Variants in ROBO2 observed in about 807,000 individuals in gnomAD.
ROBO2 encodes roundabout guidance receptor 2.
A neutral mutation model predicts 160.8 loss-of-function variants in ROBO2; 53 were observed. That is an observed-to-expected ratio of 0.33 (90% CI 0.26 to 0.41). The LOEUF is 0.41. ROBO2 is among the 10% of genes least tolerant of loss of function. The pLI, the probability that ROBO2 is intolerant of heterozygous loss-of-function variation, is 1.00. For missense variants in ROBO2, 1,577 were observed against 1,722.4 expected (o/e 0.92, Z 1.49); for synonymous variants, 664 against 611.7 (o/e 1.09, Z -1.26).
At chr3:77,299,040 G>C (rs1337991250) in intron 2 of ROBO2, among the ~76,000 whole-genome samples, 1 of 152,134 alleles carries the variant, frequency 6.6e-6, no homozygotes, top group Non-Finnish European at 1.5e-5. Flanking sequence ...ATTTAAATTA[G>C]ACATTGAATG....
intron 2 of ROBO2, among the ~76,000 whole-genome samples, chr3:75,992,729 A>G (rs1382745077): frequency 6.6e-6 from 1 of 152,216 alleles, no homozygotes; most frequent in Non-Finnish European, 1.5e-5. Flanking sequence ...ACAGGCACTC[A>G]ATGCCAGCCT....
At chr3:77,346,294 T>C (rs1412845208) in intron 2 of ROBO2, among the ~76,000 whole-genome samples, 1 of 152,168 alleles carries the variant, frequency 6.6e-6, no homozygotes, top group African/African-American at 2.4e-5. Flanking sequence ...AATGTACATT[T>C]AAACTTCATT....
chr3:76,297,433 G>C (rs1258029663), intron 2 of ROBO2, among the ~76,000 whole-genome samples: 1 of 151,954 alleles, frequency 6.6e-6, no homozygotes, highest in African/African-American at 2.4e-5. Context: ...GGCATTATTT[G>C]GCCACTTAAA....
At chr3:76,212,917 C>CAGA (rs1559646028) in intron 2 of ROBO2, among the ~76,000 whole-genome samples, 15 of 151,956 alleles carry the variant, frequency 9.9e-5, no homozygotes, top group African/African-American at 3.6e-4. Context: ...TTCTTAGTTT[C>CAGA]ACTTTTGGTA....
At chr3:76,791,520 T>A (rs567906246) in intron 2 of ROBO2, among the ~76,000 whole-genome samples, 34 of 149,472 alleles carry the variant, frequency 2.3e-4, no homozygotes, top group Middle Eastern at 3.4e-3. Context: ...TTTCACACAC[T>A]CTCTCTCTCT....
At chr3:76,365,434 A>C (rs1017214857) in intron 2 of ROBO2, among the ~76,000 whole-genome samples, 1 of 152,062 alleles carries the variant, frequency 6.6e-6, no homozygotes, top group Admixed American at 6.6e-5. Flanking sequence ...TTGAGATTCA[A>C]TTACCACATC....
chr3:77,067,028 TCACACACACACA>T (rs144228628), intron 1 of ROBO2, among the ~76,000 whole-genome samples: 5 of 136,840 alleles, frequency 3.7e-5, no homozygotes, highest in African/African-American at 7.9e-5. Context: ...ACACACACAC[TCACACACACACA>T]CACACACACA....
intron 2 of ROBO2, among the ~76,000 whole-genome samples, chr3:76,019,570 C>T (rs1047678025): frequency 3.3e-5 from 5 of 151,762 alleles, no homozygotes; most frequent in African/African-American, 1.2e-4. Context: ...TCTGAGAATA[C>T]TGTATATTCC....
intron 2 of ROBO2, among the ~76,000 whole-genome samples, chr3:76,347,068 G>A (rs906988790): frequency 4.6e-5 from 7 of 152,046 alleles, no homozygotes; most frequent in African/African-American, 1.7e-4. Context: ...AAAAAAAATG[G>A]ATTATGTCTC....
At chr3:77,199,857 T>C (rs1298180404) in intron 2 of ROBO2, among the ~76,000 whole-genome samples, 1 of 151,598 alleles carries the variant, frequency 6.6e-6, no homozygotes, top group African/African-American at 2.4e-5. Flanking sequence ...TGAACTCCTG[T>C]GCTCAAGTGA....
intron 2 of ROBO2, among the ~76,000 whole-genome samples, chr3:76,102,317 T>C (rs1215382394): frequency 6.6e-6 from 1 of 152,222 alleles, no homozygotes; most frequent in Non-Finnish European, 1.5e-5. Flanking sequence ...ACTATTTTAT[T>C]AGTTTCTTTT....
At chr3:76,677,900 C>G (rs2092451222) in intron 2 of ROBO2, among the ~76,000 whole-genome samples, 1 of 142,736 alleles carries the variant, frequency 7.0e-6, no homozygotes, top group African/African-American at 2.6e-5. Flanking sequence ...GTTATATGTT[C>G]ATGACTTTTA....
At chr3:77,514,963 C>T (rs1469343167) in intron 5 of ROBO2, among the ~76,000 whole-genome samples, 1 of 151,614 alleles carries the variant, frequency 6.6e-6, no homozygotes, top group South Asian at 2.1e-4. Flanking sequence ...GTTTTTTCCC[C>T]AACTATAACT....
intron 2 of ROBO2, among the ~76,000 whole-genome samples, chr3:76,490,413 G>A (rs1446081428): frequency 2.0e-5 from 3 of 152,134 alleles, no homozygotes; most frequent in East Asian, 1.9e-4. Flanking sequence ...TTACAAATCT[G>A]TTTGGTTTCC....
intron 2 of ROBO2, among the ~76,000 whole-genome samples, chr3:76,270,180 G>T (rs1251597665): frequency 1.3e-5 from 2 of 152,008 alleles, no homozygotes; most frequent in African/African-American, 2.4e-5. Flanking sequence ...TGAAGTAGTG[G>T]TTCAAGGGAA....
At chr3:76,542,418 T>A (rs1444529106) in intron 2 of ROBO2, among the ~76,000 whole-genome samples, 1 of 152,180 alleles carries the variant, frequency 6.6e-6, no homozygotes, top group African/African-American at 2.4e-5. Flanking sequence ...AGTCCAGGCC[T>A]TGGCTTCCCT....
At chr3:77,353,444 A>G (rs1383912912) in intron 2 of ROBO2, among the ~76,000 whole-genome samples, 2 of 152,174 alleles carry the variant, frequency 1.3e-5, no homozygotes, top group Non-Finnish European at 2.9e-5. Flanking sequence ...TGAAACAAAA[A>G]TGTTCAAAGG....
At chr3:76,012,861 C>T (rs553389285) in intron 2 of ROBO2, among the ~76,000 whole-genome samples, 2 of 139,634 alleles carry the variant, frequency 1.4e-5, no homozygotes, top group South Asian at 2.2e-4. Flanking sequence ...CGACTGGGCA[C>T]GGTGGCTTAT....
At chr3:76,574,377 A>G (rs1475172592) in intron 2 of ROBO2, among the ~76,000 whole-genome samples, 1 of 152,116 alleles carries the variant, frequency 6.6e-6, no homozygotes, top group Admixed American at 6.6e-5. Context: ...AAGTAAACCC[A>G]TTCTGGAGAT....
Sources: allele counts gnomAD v4.1 joint callset (sites outside exome capture counted in the v4.1 genomes callset), GRCh38; gene constraint gnomAD v4.1.1; transcripts MANE v1.5; gene names NCBI Gene and HGNC (gene_info 2026-07-23, HGNC 2026-07-21).